Variants in MAN2A1 observed in about 807,000 individuals in gnomAD.
MAN2A1 encodes the protein alpha-mannosidase 2.
In MAN2A1, 76 loss-of-function variants were observed where a neutral mutation model predicts 142.6. That is an observed-to-expected ratio of 0.53 (90% CI 0.44 to 0.65). The LOEUF is 0.65. Ranked by LOEUF, MAN2A1 falls within the 30% of genes least tolerant of loss-of-function variation. MAN2A1 has a pLI of 0.00. For synonymous variants in MAN2A1, 559 were observed against 473.2 expected (o/e 1.18, Z -2.35); for missense variants, 1,311 against 1,365.1 (o/e 0.96, Z 0.62).
intron 7 of MAN2A1, 63 bp from the exon 8 acceptor site, chr5:109,774,725 C>A: frequency 8.2e-7 from 1 of 1,215,846 alleles, no homozygotes; most frequent in South Asian, 1.4e-5. Context: ...AATCAATTGT[C>A]ACATTCACTT....
chr5:109,800,392 A>G (rs962284418), intron 12 of MAN2A1, among the ~76,000 whole-genome samples: 13 of 152,166 alleles, frequency 8.5e-5, no homozygotes, highest in Admixed American at 5.2e-4. Context: ...TCATTATTCC[A>G]AAATGGTGCC....
At chr5:109,736,364 A>AT (rs935901622) in intron 4 of MAN2A1, among the ~76,000 whole-genome samples, 6 of 152,036 alleles carry the variant, frequency 3.9e-5, no homozygotes, top group Non-Finnish European at 5.9e-5. Flanking sequence ...TAAGTTTTAA[A>AT]TTTTTTGTCA....
intron 1 of MAN2A1, among the ~76,000 whole-genome samples, chr5:109,708,680 T>C (rs1388157895): frequency 6.6e-6 from 1 of 152,096 alleles, no homozygotes; most frequent in East Asian, 1.9e-4. Context: ...CTGAAGGCCT[T>C]AGAACCAGAG....
intron 3 of MAN2A1, among the ~76,000 whole-genome samples, chr5:109,719,472 T>A (rs1309420609): frequency 6.6e-6 from 1 of 152,202 alleles, no homozygotes; most frequent in Non-Finnish European, 1.5e-5. Context: ...AAGAGAAAAG[T>A]GTGTTCACAT....
intron 15 of MAN2A1, 33 bp from the exon 16 acceptor site, chr5:109,823,690 A>G (rs1434646502): frequency 8.7e-7 from 1 of 1,148,738 alleles, no homozygotes; most frequent in African/African-American, 1.6e-5. Context: ...GGAAGCCAAA[A>G]TATTTTTCTT....
chr5:109,706,095 C>T lies in MAN2A1; in HGVS notation c.136-7425C>T, dbSNP rs139356995. 2.5e-3 allele frequency among the ~76,000 whole-genome samples: 387 copies of T among 152,300 alleles called. 2 individuals carry two copies. Among genetic ancestry groups the T allele is most frequent in the African/African-American group, 8.9e-3 (369 of 41,556 alleles). On this transcript the variant is annotated intron_variant, in intron 1 of 21. Coordinates refer to ENST00000261483, the MANE Select transcript of MAN2A1 (RefSeq NM_002372.4). ...ACATTATTCTGCTTACTGCACCAGG[C>T]GCTATTTAAATTTACTTGCATATAC...
At chr5:109,732,675 A>G (rs540356189) in intron 4 of MAN2A1, among the ~76,000 whole-genome samples, 1 of 152,142 alleles carries the variant, frequency 6.6e-6, no homozygotes, top group Admixed American at 6.5e-5. Context: ...ATAGTTGCAG[A>G]TATGTGGCAT....
intron 2 of MAN2A1, 91 bp downstream of exon 2, chr5:109,713,865 T>A: frequency 8.1e-7 from 1 of 1,231,414 alleles, no homozygotes; most frequent in South Asian, 1.6e-5. Context: ...CTTGGTAAGT[T>A]GCTTAAACTC....
At chr5:109,846,031 C>T in intron 18 of MAN2A1, 25 bp downstream of exon 18, 2 of 1,575,516 alleles carry the variant, frequency 1.3e-6, no homozygotes, top group Non-Finnish European at 1.7e-6. Context: ...CACTCTTTTC[C>T]ACTCTGAAAG....
chr5:109,795,326 A>G (rs1281902731), intron 12 of MAN2A1, among the ~76,000 whole-genome samples: 1 of 152,152 alleles, frequency 6.6e-6, no homozygotes, highest in African/African-American at 2.4e-5. Context: ...ATCAGGAATG[A>G]TGAGTATTAA....
chr5:109,785,245 G>A (rs1753565576), intron 10 of MAN2A1, among the ~76,000 whole-genome samples: 1 of 151,916 alleles, frequency 6.6e-6, no homozygotes. Context: ...CCAAGGACTT[G>A]GCATCAAATA....
At chr5:109,797,296 G>C (rs1323044283) in intron 12 of MAN2A1, among the ~76,000 whole-genome samples, 1 of 146,918 alleles carries the variant, frequency 6.8e-6, no homozygotes, top group East Asian at 3.1e-4. Context: ...AAAAAGTTTT[G>C]AGTTATAATC....
intron 1 of MAN2A1, among the ~76,000 whole-genome samples, chr5:109,701,264 A>G (rs1750974448): frequency 1.3e-5 from 2 of 152,224 alleles, no homozygotes; most frequent in Non-Finnish European, 2.9e-5. Context: ...TAAAGAAGCT[A>G]AGCTTTCCCT....
At chr5:109,805,674 GT>G (rs1754145917) in intron 12 of MAN2A1, among the ~76,000 whole-genome samples, 1 of 152,172 alleles carries the variant, frequency 6.6e-6, no homozygotes, top group Non-Finnish European at 1.5e-5. Flanking sequence ...TGGAACTTCA[GT>G]TTCATTTGCT....
At chr5:109,740,718 T>C (rs1245971597) in intron 4 of MAN2A1, among the ~76,000 whole-genome samples, 1 of 126,618 alleles carries the variant, frequency 7.9e-6, no homozygotes, top group Non-Finnish European at 1.6e-5. Context: ...GTTGACCGAA[T>C]CTCTCAGAAT....
rs2112617308 is a variant in MAN2A1 at position 109,748,578 on chromosome 5, T to A, written c.708-6751T>A. ...TGCAATTAAATTTTGTTGTAAATGT[T>A]ATGGAAGAAAAGTTAGATTTTCTGT... On this transcript the variant is annotated intron_variant, in intron 4 of 21. Transcript: ENST00000261483. 2.0e-5 allele frequency among the ~76,000 whole-genome samples: 3 copies of A among 152,216 alleles called. No homozygotes were observed. In the South Asian group the frequency reaches 6.2e-4, roughly 32 times the overall value.
At chr5:109,840,396 T>A in intron 16 of MAN2A1, 1 of 390,164 alleles carries the variant, frequency 2.6e-6, no homozygotes. Flanking sequence ...AAATTGCTGG[T>A]AATGATTCCT....
At chr5:109,820,089 G>T (rs1754583892) in intron 14 of MAN2A1, 131 bp from the exon 15 acceptor site, 2 of 871,206 alleles carry the variant, frequency 2.3e-6, no homozygotes, top group African/African-American at 3.4e-5. Context: ...CTACTCCGTG[G>T]TCTGTGTGTC....
At chr5:109,865,967 A>G (rs911472567) in intron 21 of MAN2A1, among the ~76,000 whole-genome samples, 2 of 152,114 alleles carry the variant, frequency 1.3e-5, no homozygotes, top group African/African-American at 4.8e-5. Context: ...AAAACCTCAT[A>G]AATAATGCTG....
Sources: allele counts gnomAD v4.1 joint callset (sites outside exome capture counted in the v4.1 genomes callset), GRCh38; gene constraint gnomAD v4.1.1; transcripts MANE v1.5; gene names NCBI Gene and HGNC (gene_info 2026-07-23, HGNC 2026-07-21).